Variants in CNTNAP2 observed in about 807,000 individuals in gnomAD.
The protein encoded by CNTNAP2 is contactin-associated protein-like 2.
Under a neutral mutation model 155.2 loss-of-function variants are expected in CNTNAP2, and 98 were observed. The observed-to-expected ratio is 0.63, with a 90% confidence interval of 0.54 to 0.75. The LOEUF (loss-of-function observed/expected upper bound fraction) is 0.75. CNTNAP2 is among the 30% of genes least tolerant of loss of function. The probability of loss-of-function intolerance (pLI) is 0.00; values close to 1 mark genes in which losing one functional copy is unlikely to be tolerated. For missense variants in CNTNAP2, 1,727 were observed against 1,688.1 expected (o/e 1.02, Z -0.40); for synonymous variants, 651 against 631.2 (o/e 1.03, Z -0.47).
chr7:147,546,337 C>A (rs1314497613), intron 11 of CNTNAP2, among the ~76,000 whole-genome samples: 1 of 152,090 alleles, frequency 6.6e-6, no homozygotes, highest in African/African-American at 2.4e-5. Context: ...GAAAATGGAA[C>A]TATTAATAAT....
At chr7:146,765,629 G>A (rs143646736) in intron 1 of CNTNAP2, among the ~76,000 whole-genome samples, 40 of 152,228 alleles carry the variant, frequency 2.6e-4, no homozygotes, top group Admixed American at 7.9e-4. Flanking sequence ...GGTATTTACA[G>A]TCCATTCAAC....
intron 15 of CNTNAP2, among the ~76,000 whole-genome samples, chr7:148,091,322 T>C (rs1170248833): frequency 1.3e-5 from 2 of 152,226 alleles, no homozygotes; most frequent in East Asian, 3.8e-4. Context: ...TGTGTATATG[T>C]ATATAATCTC....
At chr7:147,812,666 G>A (rs896533001) in intron 13 of CNTNAP2, among the ~76,000 whole-genome samples, 3 of 152,048 alleles carry the variant, frequency 2.0e-5, no homozygotes, top group Non-Finnish European at 4.4e-5. Flanking sequence ...CTCTGCTCTC[G>A]CTGGTTTTCA....
chr7:146,289,563 T>G (rs768550091), intron 1 of CNTNAP2, among the ~76,000 whole-genome samples: 15 of 152,220 alleles, frequency 9.9e-5, no homozygotes, highest in Non-Finnish European at 2.1e-4. Flanking sequence ...TTCACCATTG[T>G]GGTATAAAAT....
Position 147,302,867 on chromosome 7 carries a change from A to G in CNTNAP2, c.1498+2577A>G, listed in dbSNP as rs1223345855. On this transcript the variant is annotated intron_variant, in intron 9 of 23. Coordinates refer to ENST00000361727, the MANE Select transcript of CNTNAP2 (RefSeq NM_014141.6). ...TATGATGCCCATAAACATATTTATT[A>G]AATGAACAATTATTACCAAGAAAGC... Among the ~76,000 whole-genome samples, 5 of 152,238 alleles carry G rather than the reference A, an allele frequency of 3.3e-5. No homozygotes were observed. In the East Asian group the frequency reaches 9.6e-4, roughly 29 times the overall value.
chr7:146,906,222 G>A (rs1040245790), intron 3 of CNTNAP2, among the ~76,000 whole-genome samples: 1 of 152,074 alleles, frequency 6.6e-6, no homozygotes, highest in African/African-American at 2.4e-5. Flanking sequence ...GCGAGGCTGG[G>A]GGAGGGGCGC....
intron 1 of CNTNAP2, among the ~76,000 whole-genome samples, chr7:146,418,432 T>C (rs2129112899): frequency 6.6e-6 from 1 of 152,276 alleles, no homozygotes; most frequent in Middle Eastern, 3.4e-3. Context: ...AGATGAAATC[T>C]CTCTGTACTT....
intron 20 of CNTNAP2, among the ~76,000 whole-genome samples, chr7:148,245,533 C>T (rs772051842): frequency 4.7e-5 from 7 of 147,802 alleles, no homozygotes; most frequent in Non-Finnish European, 7.5e-5. Flanking sequence ...TTTCTTTCTT[C>T]CCGAGATTGC....
chr7:148,371,713 G>A (rs1202001598), intron 21 of CNTNAP2, among the ~76,000 whole-genome samples: 2 of 152,122 alleles, frequency 1.3e-5, no homozygotes, highest in Non-Finnish European at 2.9e-5. Flanking sequence ...TCATCATTAT[G>A]CGAATACCAC....
chr7:146,445,517 C>T (rs959598822), intron 1 of CNTNAP2, among the ~76,000 whole-genome samples: 1 of 152,056 alleles, frequency 6.6e-6, no homozygotes, highest in African/African-American at 2.4e-5. Flanking sequence ...GACTTAAGTA[C>T]AGGATGGAGG....
At chr7:146,141,430 G>A (rs539293036) in intron 1 of CNTNAP2, among the ~76,000 whole-genome samples, 3 of 152,244 alleles carry the variant, frequency 2.0e-5, no homozygotes, top group African/African-American at 7.2e-5. Flanking sequence ...GGGACAGATT[G>A]TTCTGGTAGC....
intron 10 of CNTNAP2, among the ~76,000 whole-genome samples, chr7:147,406,200 A>G (rs556825835): frequency 2.2e-5 from 2 of 89,766 alleles, no homozygotes; most frequent in East Asian, 4.4e-4. Flanking sequence ...AAAGAAAAGG[A>G]AAGGAGAGGA....
In CNTNAP2 at chr7:146,788,131, C is replaced by T. The variant is rs560996652; in HGVS notation, c.208+13750C>T. 7.2e-5 allele frequency among the ~76,000 whole-genome samples: 11 copies of T among 152,296 alleles called. No homozygotes were observed. The South Asian group carries it at 1.9e-3, about 26-fold the overall frequency. Reference sequence around the variant, plus strand: ...AGGCACTCCAGCAGCCCAGAGGGAGCTTGTCCCCCAAACAAGCCCAGCAGG... The same window carrying T: ...AGGCACTCCAGCAGCCCAGAGGGAGTTTGTCCCCCAAACAAGCCCAGCAGG... On this transcript the variant is annotated intron_variant, in intron 2 of 23. Transcript: ENST00000361727.
At chr7:146,235,207 A>G (rs1799452172) in intron 1 of CNTNAP2, among the ~76,000 whole-genome samples, 1 of 151,286 alleles carries the variant, frequency 6.6e-6, no homozygotes, top group Non-Finnish European at 1.5e-5. Context: ...AGTTTCACTT[A>G]TTTTTCCTTT....
At chr7:146,614,589 T>C (rs1454369044) in intron 1 of CNTNAP2, among the ~76,000 whole-genome samples, 2 of 152,194 alleles carry the variant, frequency 1.3e-5, no homozygotes, top group South Asian at 2.1e-4. Flanking sequence ...TATATCACCA[T>C]CCAGCTGAAT....
chr7:147,874,179 G>A (rs551829957), intron 13 of CNTNAP2, among the ~76,000 whole-genome samples: 2 of 152,164 alleles, frequency 1.3e-5, no homozygotes, highest in Non-Finnish European at 2.9e-5. Flanking sequence ...CTGGAGGACG[G>A]TGACGCTCTT....
chr7:147,011,683 C>A (rs1182809827), intron 3 of CNTNAP2, among the ~76,000 whole-genome samples: 1 of 152,100 alleles, frequency 6.6e-6, no homozygotes, highest in Non-Finnish European at 1.5e-5. Flanking sequence ...GAATTCATCT[C>A]CCCAGAGCAG....
chr7:147,310,505 A>C (rs988498218), intron 9 of CNTNAP2, among the ~76,000 whole-genome samples: 4 of 152,184 alleles, frequency 2.6e-5, no homozygotes, highest in African/African-American at 9.7e-5. Flanking sequence ...TTTTTTAGCA[A>C]ATATCTTCTA....
chr7:147,919,859 T>C (rs112527202), intron 14 of CNTNAP2, among the ~76,000 whole-genome samples: 4,728 of 151,496 alleles, frequency 0.031, 264 homozygotes, highest in African/African-American at 0.11. Context: ...AGTGCTGGGA[T>C]TATAGGCATG....
Sources: gnomAD v4.1 joint callset for allele counts (sites outside exome capture counted in the v4.1 genomes callset) on GRCh38, gnomAD v4.1.1 for gene constraint, MANE v1.5 for transcripts, NCBI Gene and HGNC (gene_info 2026-07-23, HGNC 2026-07-21) for gene names.